Variants in RIMOC1 observed in about 807,000 individuals in gnomAD.
RIMOC1 encodes the protein RAB7A interacting MON1-CCZ1 complex subunit 1, also known as RAB7A-interacting MON1-CCZ1 complex subunit 1.
the RIMOC1 span, chr5:41,920,348 A>T: frequency 6.6e-6 from 1 of 152,162 alleles, no homozygotes; most frequent in South Asian, 2.1e-4. Context: ...AGCCTGCTAA[A>T]TCATTCACTT....
the RIMOC1 span, chr5:41,908,312 G>C: frequency 6.5e-6 from 1 of 152,774 alleles, no homozygotes; most frequent in Non-Finnish European, 1.5e-5. Context: ...AAATCAGGCT[G>C]CTGTGTGGAC....
At chr5:41,905,548 G>A in the RIMOC1 span, among the ~76,000 whole-genome samples, 1 of 152,216 alleles carries the variant, frequency 6.6e-6, no homozygotes, top group Non-Finnish European at 1.5e-5. Flanking sequence ...GGGATTACAG[G>A]CGTGAGCCAC....
chr5:41,909,800 C>T, the RIMOC1 span: 1 of 1,585,210 alleles, frequency 6.3e-7, no homozygotes, highest in South Asian at 1.2e-5. Context: ...TGAAGATTTT[C>T]CTGAAGACTC....
chr5:41,915,353 G>A, the RIMOC1 span, among the ~76,000 whole-genome samples: 1 of 152,188 alleles, frequency 6.6e-6, no homozygotes, highest in East Asian at 1.9e-4. Context: ...ATCACAAAAG[G>A]TTGTATGAGT....
chr5:41,917,455 C>A, the RIMOC1 span: 2 of 1,352,000 alleles, frequency 1.5e-6, no homozygotes, highest in Non-Finnish European at 1.9e-6. Context: ...ACATCACCAT[C>A]TTTTTCATTA....
chr5:41,917,579 T>C, the RIMOC1 span: 1 of 1,036,872 alleles, frequency 9.6e-7, no homozygotes, highest in South Asian at 4.7e-5. Context: ...AATTTAGCTT[T>C]ACAAAGATTT....
At chr5:41,905,598 C>T in the RIMOC1 span, among the ~76,000 whole-genome samples, 1 of 152,196 alleles carries the variant, frequency 6.6e-6, no homozygotes. Context: ...GACCTACAGA[C>T]CACCCTGAAG....
the RIMOC1 span, chr5:41,911,171 C>T: frequency 2.5e-6 from 4 of 1,599,966 alleles, no homozygotes; most frequent in Non-Finnish European, 3.4e-6. Flanking sequence ...ATCCAGTTTG[C>T]TTAAAAAGGT....
the RIMOC1 span, chr5:41,917,429 G>A: frequency 7.2e-7 from 1 of 1,384,464 alleles, no homozygotes; most frequent in Non-Finnish European, 9.4e-7. Context: ...TCCAGCTTGG[G>A]TACCCTACTA....
the RIMOC1 span, among the ~76,000 whole-genome samples, chr5:41,913,534 T>C: frequency 3.9e-5 from 6 of 152,184 alleles, no homozygotes; most frequent in Admixed American, 3.9e-4. Flanking sequence ...AGTGAATTGT[T>C]CAAGGTCATA....
At chr5:41,921,143 G>A in the RIMOC1 span, 1 of 152,600 alleles carries the variant, frequency 6.6e-6, no homozygotes, top group Non-Finnish European at 1.5e-5. Flanking sequence ...ATATAGTAGA[G>A]TGAGGTGAGG....
the RIMOC1 span, chr5:41,920,382 C>T: frequency 6.6e-6 from 1 of 152,170 alleles, no homozygotes; most frequent in South Asian, 2.1e-4. Flanking sequence ...CTCAAGGTAC[C>T]AAATACCCCA....
the RIMOC1 span, among the ~76,000 whole-genome samples, chr5:41,915,907 G>A: frequency 1.3e-5 from 2 of 152,312 alleles, no homozygotes; most frequent in African/African-American, 4.8e-5. Context: ...TGAAGTGAAG[G>A]TGAAAACTGT....
At chr5:41,909,765 A>G in the RIMOC1 span, 1 of 1,524,170 alleles carries the variant, frequency 6.6e-7, no homozygotes, top group Non-Finnish European at 8.7e-7. Context: ...GACATGACAT[A>G]TTTTGAGGAG....
At chr5:41,914,500 C>CA in the RIMOC1 span, among the ~76,000 whole-genome samples, 4 of 132,880 alleles carry the variant, frequency 3.0e-5, no homozygotes, top group South Asian at 2.5e-4. Flanking sequence ...CAAAACAAAA[C>CA]AAACATAAGT....
At chr5:41,909,749 AT>A in the RIMOC1 span, 1 of 1,383,202 alleles carries the variant, frequency 7.2e-7, no homozygotes. Flanking sequence ...TTTTTAGGCT[AT>A]TTTGGACATG....
chr5:41,918,475 A>G, the RIMOC1 span: 3 of 985,220 alleles, frequency 3.0e-6, no homozygotes, highest in Admixed American at 6.2e-5. Flanking sequence ...GGGATACTAT[A>G]TGAACTAATC....
the RIMOC1 span, chr5:41,907,774 T>G: frequency 6.2e-7 from 1 of 1,609,712 alleles, no homozygotes; most frequent in Non-Finnish European, 8.5e-7. Context: ...ATTAGAAAAA[T>G]TGAAACTCCT....
At chr5:41,918,576 C>T in the RIMOC1 span, 21 of 985,232 alleles carry the variant, frequency 2.1e-5, 1 homozygote, top group Admixed American at 9.8e-4. Flanking sequence ...TCTACCTTTT[C>T]GGGGATGCTG....
Sources: gnomAD v4.1 joint callset for allele counts (sites outside exome capture counted in the v4.1 genomes callset) on GRCh38, gnomAD v4.1.1 for gene constraint, MANE v1.5 for transcripts, NCBI Gene and HGNC (gene_info 2026-07-23, HGNC 2026-07-21) for gene names.